XKR4: variants seen among roughly 807,000 people sequenced by gnomAD.
XKR4 encodes XK-related protein 4.
In XKR4, 12 loss-of-function variants were observed where a neutral mutation model predicts 53.9. The observed-to-expected ratio is 0.22, with a 90% confidence interval of 0.14 to 0.36. The LOEUF (loss-of-function observed/expected upper bound fraction) is 0.36, where lower values mean the gene tolerates loss of function less well. Among genes scored for constraint, XKR4 ranks in the 10% least tolerant of loss-of-function variants. The pLI, the probability that XKR4 is intolerant of heterozygous loss-of-function variation, is 1.00. For missense variants in XKR4, 799 were observed against 859.5 expected, an observed-to-expected ratio of 0.93 and a Z score of 0.88; for synonymous variants, 354 against 362.4, an observed-to-expected ratio of 0.98 and a Z score of 0.26.
intron 2 of XKR4, among the ~76,000 whole-genome samples, chr8:55,437,722 A>G (rs1306913335): frequency 6.6e-6 from 1 of 152,228 alleles, no homozygotes; most frequent in Non-Finnish European, 1.5e-5. Flanking sequence ...CTCTGAAATC[A>G]GACTGTTCTT....
intron 2 of XKR4, among the ~76,000 whole-genome samples, chr8:55,433,766 C>T (rs1184324092): frequency 1.3e-5 from 2 of 152,188 alleles, no homozygotes; most frequent in Non-Finnish European, 2.9e-5. Flanking sequence ...AGTTCTTTGC[C>T]TATAATCCCA....
chr8:55,377,278 G>C (rs752458632), intron 2 of XKR4, among the ~76,000 whole-genome samples: 2 of 152,072 alleles, frequency 1.3e-5, no homozygotes, highest in Non-Finnish European at 2.9e-5. Flanking sequence ...AAAGGAGTGG[G>C]GATAGTAACC....
At chr8:55,108,986 GC>G (rs889386266) in intron 1 of XKR4, among the ~76,000 whole-genome samples, 1 of 152,144 alleles carries the variant, frequency 6.6e-6, no homozygotes, top group Non-Finnish European at 1.5e-5. Flanking sequence ...TAGAAGAGAA[GC>G]CCGAAAACTT....
intron 1 of XKR4, among the ~76,000 whole-genome samples, chr8:55,287,594 C>A (rs1818925687): frequency 6.6e-6 from 1 of 152,194 alleles, no homozygotes; most frequent in Admixed American, 6.5e-5. Context: ...TGCCATCAGA[C>A]CCTGCTGTCC....
intron 1 of XKR4, among the ~76,000 whole-genome samples, chr8:55,199,086 A>G (rs929336190): frequency 2.0e-5 from 3 of 152,242 alleles, no homozygotes; most frequent in African/African-American, 7.2e-5. Context: ...TAGTACTTAC[A>G]GTTTGTATTT....
intron 2 of XKR4, among the ~76,000 whole-genome samples, chr8:55,449,144 T>C (rs1805385640): frequency 6.7e-6 from 1 of 149,012 alleles, no homozygotes; most frequent in African/African-American, 2.4e-5. Flanking sequence ...CAAATTGAGA[T>C]ATTTATTCTA....
intron 2 of XKR4, among the ~76,000 whole-genome samples, chr8:55,457,807 A>G (rs1482194725): frequency 6.6e-6 from 1 of 152,208 alleles, no homozygotes; most frequent in Non-Finnish European, 1.5e-5. Flanking sequence ...ATATTCATAC[A>G]CACACAGTTA....
chr8:55,235,642 C>T (rs1818109672), intron 1 of XKR4, among the ~76,000 whole-genome samples: 3 of 152,130 alleles, frequency 2.0e-5, no homozygotes, highest in Admixed American at 2.0e-4. Flanking sequence ...TGTCTCCCTA[C>T]CTCCCTCTCC....
chr8:55,206,171 AACAAACCTTCC>A (rs1279289932), intron 1 of XKR4, among the ~76,000 whole-genome samples: 1 of 152,200 alleles, frequency 6.6e-6, no homozygotes, highest in Non-Finnish European at 1.5e-5. Flanking sequence ...AGAGCAAAAG[AACAAACCTTCC>A]ACACCATGGA....
intron 2 of XKR4, among the ~76,000 whole-genome samples, chr8:55,443,967 T>C (rs1351914484): frequency 6.6e-6 from 1 of 152,174 alleles, no homozygotes; most frequent in Non-Finnish European, 1.5e-5. Flanking sequence ...GCTCAGGAAT[T>C]TGAGACCAGC....
intron 1 of XKR4, 109 bp from the exon 2 acceptor site, chr8:55,357,569 T>C: frequency 2.6e-6 from 3 of 1,141,672 alleles, no homozygotes; most frequent in Non-Finnish European, 3.8e-6. Context: ...AGGTAATTGT[T>C]TCTTGTGCTT....
At chr8:55,406,313 AG>A (rs1182553211) in intron 2 of XKR4, among the ~76,000 whole-genome samples, 6 of 152,140 alleles carry the variant, frequency 3.9e-5, no homozygotes, top group Admixed American at 2.0e-4. Context: ...GGGTTAAAAA[AG>A]TAATAGTCCC....
chr8:55,155,270 A>T (rs1816888496), intron 1 of XKR4, among the ~76,000 whole-genome samples: 1 of 152,216 alleles, frequency 6.6e-6, no homozygotes. Context: ...TTTTCAGAAG[A>T]AAATGAACAA....
At chr8:55,512,378 C>T (rs1051089893) in intron 2 of XKR4, among the ~76,000 whole-genome samples, 3 of 152,182 alleles carry the variant, frequency 2.0e-5, no homozygotes, top group African/African-American at 4.8e-5. Context: ...TGACCACAGC[C>T]TCCTGCCTCC....
At chr8:55,382,413 A>G (rs1804248185) in intron 2 of XKR4, among the ~76,000 whole-genome samples, 1 of 152,260 alleles carries the variant, frequency 6.6e-6, no homozygotes, top group African/African-American at 2.4e-5. Context: ...AAAATATGAT[A>G]CTGAATTACT....
intron 1 of XKR4, among the ~76,000 whole-genome samples, chr8:55,291,851 ACTT>A (rs1819025861): frequency 6.6e-6 from 1 of 152,148 alleles, no homozygotes; most frequent in Admixed American, 6.5e-5. Flanking sequence ...CTGAGGAAGT[ACTT>A]CTTTATTCTT....
At chr8:55,341,878 A>T in intron 1 of XKR4, among the ~76,000 whole-genome samples, 2 of 135,154 alleles carry the variant, frequency 1.5e-5, no homozygotes, top group Admixed American at 1.4e-4. Context: ...CACTGAACCC[A>T]CTCATAGTAA....
chr8:55,493,061 C>T (rs1806293247), intron 2 of XKR4, among the ~76,000 whole-genome samples: 1 of 152,188 alleles, frequency 6.6e-6, no homozygotes, highest in Non-Finnish European at 1.5e-5. Context: ...CCACAGTGGA[C>T]TCTAGAGGAT....
chr8:55,246,896 A>G (rs996191771), intron 1 of XKR4, among the ~76,000 whole-genome samples: 1 of 151,930 alleles, frequency 6.6e-6, no homozygotes, highest in African/African-American at 2.4e-5. Context: ...ATCCCTCTTT[A>G]TTCACTGTGC....
Sources: gnomAD v4.1 joint callset for allele counts (sites outside exome capture counted in the v4.1 genomes callset) on GRCh38, gnomAD v4.1.1 for gene constraint, MANE v1.5 for transcripts, NCBI Gene and HGNC (gene_info 2026-07-23, HGNC 2026-07-21) for gene names.